Variants in MSI2 observed in about 807,000 individuals in gnomAD.
The protein encoded by MSI2 is RNA-binding protein Musashi homolog 2.
Under a neutral mutation model 45.6 loss-of-function variants are expected in MSI2, and 17 were observed. That is an observed-to-expected ratio of 0.37 (90% CI 0.26 to 0.56). MSI2 has a LOEUF of 0.56. Among genes scored for constraint, MSI2 ranks in the 20% least tolerant of loss-of-function variants. The pLI is 0.77. For missense variants in MSI2, 293 were observed against 444.2 expected, an observed-to-expected ratio of 0.66 and a Z score of 3.06; for synonymous variants, 156 against 158.2, an observed-to-expected ratio of 0.99 and a Z score of 0.11.
chr17:57,381,642 G>T (rs529509015), intron 5 of MSI2, among the ~76,000 whole-genome samples: 1 of 152,172 alleles, frequency 6.6e-6, no homozygotes, highest in Non-Finnish European at 1.5e-5. Context: ...CTTAATGCAC[G>T]TGGGCATGGA....
intron 7 of MSI2, among the ~76,000 whole-genome samples, chr17:57,571,531 TG>T (rs2087877685): frequency 6.6e-6 from 1 of 152,360 alleles, no homozygotes; most frequent in African/African-American, 2.4e-5. Context: ...TATTCTCCTC[TG>T]GTTCTTGTGC....
intron 5 of MSI2, among the ~76,000 whole-genome samples, chr17:57,367,758 C>T (rs1917302950): frequency 6.6e-6 from 1 of 152,202 alleles, no homozygotes. Context: ...TGAAGCTTAT[C>T]TGCAGAGATG....
chr17:57,331,374 G>A (rs1914258830), intron 5 of MSI2, among the ~76,000 whole-genome samples: 1 of 152,164 alleles, frequency 6.6e-6, no homozygotes, highest in African/African-American at 2.4e-5. Context: ...TGGGGAGGGG[G>A]CAGGGTGAGG....
chr17:57,294,445 C>T (rs1910749747), intron 5 of MSI2, among the ~76,000 whole-genome samples: 1 of 152,158 alleles, frequency 6.6e-6, no homozygotes, highest in Non-Finnish European at 1.5e-5. Context: ...AGGAGTTGAG[C>T]TTATTCTTGG....
chr17:57,621,994 T>TA (rs1908329884), intron 9 of MSI2, among the ~76,000 whole-genome samples: 1 of 152,026 alleles, frequency 6.6e-6, no homozygotes, highest in Non-Finnish European at 1.5e-5. Flanking sequence ...GGTCAGGAGT[T>TA]AGAGACTAGC....
intron 5 of MSI2, among the ~76,000 whole-genome samples, chr17:57,336,611 A>G (rs999377265): frequency 2.0e-5 from 3 of 152,196 alleles, no homozygotes; most frequent in African/African-American, 7.2e-5. Flanking sequence ...TGAAATCTGA[A>G]TGCATTTAAA....
At chr17:57,278,560 T>C (rs1023062091) in intron 5 of MSI2, 1 of 152,380 alleles carries the variant, frequency 6.6e-6, no homozygotes, top group African/African-American at 2.4e-5. Flanking sequence ...TTTGCTGTTT[T>C]AGAGTGTTCC....
At position 57,529,036 on chromosome 17, in the gene MSI2, A is replaced by C. The variant is rs540539187; in HGVS notation, c.406-640A>C. On this transcript the variant is annotated intron_variant, in intron 6 of 13. Transcript: ENST00000284073. The surrounding 1 kb of genome is among the most constrained non-coding windows in gnomAD (Gnocchi z 5.3). ...GTATACATGATATACTAACCTGGAAATTGTTTGCCATATTGTAATGTTACA... is the reference window on the plus strand; with the variant it reads ...GTATACATGATATACTAACCTGGAACTTGTTTGCCATATTGTAATGTTACA... 4.5e-4 allele frequency among the ~76,000 whole-genome samples: 68 copies of C among 152,306 alleles called. No individual in the cohort carries two copies. The highest frequency in any genetic ancestry group is 1.6e-3 in the African/African-American group (66 of 41,558).
At chr17:57,557,955 G>A (rs568227207) in intron 7 of MSI2, among the ~76,000 whole-genome samples, 223 of 152,300 alleles carry the variant, frequency 1.5e-3, no homozygotes, top group Non-Finnish European at 2.8e-3. Flanking sequence ...CTCCGGGGCT[G>A]CAGCTGACTC....
intron 5 of MSI2, among the ~76,000 whole-genome samples, chr17:57,295,933 A>T (rs1277295264): frequency 1.4e-5 from 2 of 142,208 alleles, no homozygotes. Flanking sequence ...AAAGAATCTC[A>T]TGCTCAGAGG....
At chr17:57,697,407 C>T in the MSI2 span, among the ~76,000 whole-genome samples, 2 of 152,014 alleles carry the variant, frequency 1.3e-5, no homozygotes, top group African/African-American at 2.4e-5. Context: ...GCTCAGTCTT[C>T]GCCCACACTC....
chr17:57,507,696 G>A (rs747354845), intron 6 of MSI2, among the ~76,000 whole-genome samples: 53 of 151,636 alleles, frequency 3.5e-4, no homozygotes, highest in Non-Finnish European at 6.0e-4. Context: ...AATATTTCAA[G>A]TCTTAGTGAA....
At chr17:57,317,210 G>A (rs1020024340) in intron 5 of MSI2, among the ~76,000 whole-genome samples, 2 of 152,154 alleles carry the variant, frequency 1.3e-5, no homozygotes, top group Admixed American at 6.5e-5. Context: ...GATTAGCCAC[G>A]CCTGCCATGG....
intron 6 of MSI2, among the ~76,000 whole-genome samples, chr17:57,425,479 T>C (rs560989486): frequency 6.6e-6 from 1 of 152,338 alleles, no homozygotes; most frequent in Non-Finnish European, 1.5e-5. Flanking sequence ...CACTTTTATA[T>C]AAATGAGATC....
intron 6 of MSI2, among the ~76,000 whole-genome samples, chr17:57,439,524 G>A (rs1437626198): frequency 6.6e-6 from 1 of 151,780 alleles, no homozygotes; most frequent in Non-Finnish European, 1.5e-5. Context: ...TGGCATTGCA[G>A]GTCCTGTGCC....
intron 6 of MSI2, among the ~76,000 whole-genome samples, chr17:57,484,153 C>T (rs762724837): frequency 6.6e-6 from 1 of 152,244 alleles, no homozygotes; most frequent in African/African-American, 2.4e-5. Flanking sequence ...GCCATTCTCT[C>T]TGGCTCACCT....
In MSI2 at chr17:57,635,044, A is replaced by AG. The variant is rs937112769; in HGVS notation, c.727+7743dup. 1.3e-3 allele frequency among the ~76,000 whole-genome samples: 192 copies of AG among 151,760 alleles called. 1 individual carries two copies. Among genetic ancestry groups the AG allele is most frequent in the African/African-American group, 4.5e-3 (188 of 41,334 alleles). On this transcript the variant is annotated intron_variant, in intron 10 of 13. Coordinates refer to ENST00000284073, the MANE Select transcript of MSI2 (RefSeq NM_138962.4). ...TAGCCATGTGCTCAGATAAAAATAA[A>AG]GGATTTTGGTACTAAAAAAGCAGAG...
intron 6 of MSI2, among the ~76,000 whole-genome samples, chr17:57,439,431 G>A (rs2084755330): frequency 6.6e-6 from 1 of 152,166 alleles, no homozygotes; most frequent in Non-Finnish European, 1.5e-5. Flanking sequence ...ATATTTGCGG[G>A]CAGAGAGTTG....
chr17:57,651,132 C>T (rs1197610542), intron 10 of MSI2, among the ~76,000 whole-genome samples: 1 of 152,174 alleles, frequency 6.6e-6, no homozygotes, highest in Non-Finnish European at 1.5e-5. Context: ...GTGCTGGTGG[C>T]TGAGAGAAGC....
Sources: gnomAD v4.1 joint callset for allele counts (sites outside exome capture counted in the v4.1 genomes callset) on GRCh38, gnomAD v4.1.1 for gene constraint, Gnocchi (gnomAD v3.1) non-coding constraint, MANE v1.5 for transcripts, NCBI Gene and HGNC (gene_info 2026-07-23, HGNC 2026-07-21) for gene names.